The following GRIN2B variants were observed in gnomAD, a reference collection of about 807,000 sequenced individuals.
GRIN2B encodes glutamate ionotropic receptor NMDA type subunit 2B, also known as glutamate receptor ionotropic, NMDA 2B.
GRIN2B carries 5 observed loss-of-function variants against 114.5 expected under a neutral mutation model. The ratio of observed to expected loss-of-function variants is 0.04; its 90% CI spans 0.02 to 0.09. The LOEUF is 0.09. Ranked by LOEUF, GRIN2B falls within the 10% of genes least tolerant of loss-of-function variation. GRIN2B has a pLI of 1.00. For missense variants in GRIN2B, 1,108 were observed against 1,943.5 expected, an observed-to-expected ratio of 0.57 and a Z score of 8.08; for synonymous variants, 787 against 745.1, an observed-to-expected ratio of 1.06 and a Z score of -0.92.
At chr12:13,686,251 T>C (rs1160373604) in intron 4 of GRIN2B, among the ~76,000 whole-genome samples, 3 of 152,176 alleles carry the variant, frequency 2.0e-5, no homozygotes, top group African/African-American at 4.8e-5. Context: ...TCCAATATTC[T>C]AAAATGAGAT....
intron 4 of GRIN2B, among the ~76,000 whole-genome samples, chr12:13,741,111 A>T (rs1159325379): frequency 6.6e-6 from 1 of 151,972 alleles, no homozygotes; most frequent in Non-Finnish European, 1.5e-5. Context: ...GCTCACTGCA[A>T]CCTCCACCTC....
intron 2 of GRIN2B, among the ~76,000 whole-genome samples, chr12:13,868,156 C>T (rs957383168): frequency 6.6e-6 from 1 of 152,054 alleles, no homozygotes; most frequent in African/African-American, 2.4e-5. Flanking sequence ...AAGAAGGAGA[C>T]CTGTATTGAT....
intron 3 of GRIN2B, among the ~76,000 whole-genome samples, chr12:13,783,068 CTA>C (rs992444643): frequency 4.6e-5 from 7 of 152,162 alleles, no homozygotes; most frequent in Admixed American, 2.0e-4. Context: ...TATTAAAAAA[CTA>C]TAATTTATAC....
At chr12:13,906,362 C>A (rs1327770564) in intron 2 of GRIN2B, among the ~76,000 whole-genome samples, 1 of 152,218 alleles carries the variant, frequency 6.6e-6, no homozygotes, top group Non-Finnish European at 1.5e-5. Flanking sequence ...CACTAAAGGG[C>A]AATTCTTGTA....
chr12:13,800,755 A>G (rs563118762), intron 3 of GRIN2B, among the ~76,000 whole-genome samples: 1 of 152,302 alleles, frequency 6.6e-6, no homozygotes, highest in African/African-American at 2.4e-5. Flanking sequence ...CACATTTACT[A>G]TGAATGTACG....
At position 13,768,292 on chromosome 12, in the gene GRIN2B, C is replaced by A. The variant is rs146694802; in HGVS notation, c.412-14377G>T. 2.9e-3 allele frequency among the ~76,000 whole-genome samples: 447 copies of A among 152,334 alleles called. 5 individuals are homozygous for A. Among genetic ancestry groups the A allele is most frequent in the African/African-American group, 0.01 (424 of 41,578 alleles). On this transcript the variant is annotated intron_variant, in intron 3 of 13. Coordinates refer to ENST00000609686, the MANE Select transcript of GRIN2B (RefSeq NM_000834.5). The stretch of plus-strand genomic sequence containing the variant: ...CCATCTTGCAGCTGCCCAGTGCCTG[C>A]AGTCTGGGCCTGGCTAGAAAAATGA...
intron 3 of GRIN2B, among the ~76,000 whole-genome samples, chr12:13,852,801 C>T (rs1433677490): frequency 1.3e-5 from 2 of 151,844 alleles, no homozygotes; most frequent in Non-Finnish European, 2.9e-5. Context: ...ATGCTCCATC[C>T]ACGATACTAT....
chr12:13,787,305 G>C (rs1480989367), intron 3 of GRIN2B, among the ~76,000 whole-genome samples: 1 of 152,200 alleles, frequency 6.6e-6, no homozygotes, highest in Non-Finnish European at 1.5e-5. Flanking sequence ...ATCAGAAAAG[G>C]TGAAGATTCT....
intron 10 of GRIN2B, among the ~76,000 whole-genome samples, chr12:13,582,941 T>G (rs1432879673): frequency 6.6e-6 from 1 of 152,250 alleles, no homozygotes; most frequent in Non-Finnish European, 1.5e-5. Flanking sequence ...TACATAAGCC[T>G]TAATATTTCC....
intron 5 of GRIN2B, among the ~76,000 whole-genome samples, chr12:13,653,379 T>C (rs1949835739): frequency 6.6e-6 from 1 of 152,030 alleles, no homozygotes; most frequent in Non-Finnish European, 1.5e-5. Flanking sequence ...AGGAGAAATA[T>C]CAGGCTATGC....
intron 10 of GRIN2B, among the ~76,000 whole-genome samples, chr12:13,579,279 T>C (rs1391261432): frequency 1.3e-5 from 2 of 152,132 alleles, no homozygotes; most frequent in East Asian, 1.9e-4. Context: ...ACAAAGAAAG[T>C]TGAATTCTGT....
At chr12:13,657,625 G>A (rs770035054) in intron 5 of GRIN2B, among the ~76,000 whole-genome samples, 3 of 152,156 alleles carry the variant, frequency 2.0e-5, no homozygotes, top group African/African-American at 7.2e-5. Flanking sequence ...AATACAACAC[G>A]TTCAGACCAA....
At chr12:13,888,956 T>C (rs1388499087) in intron 2 of GRIN2B, among the ~76,000 whole-genome samples, 1 of 152,146 alleles carries the variant, frequency 6.6e-6, no homozygotes, top group African/African-American at 2.4e-5. Flanking sequence ...AGTTTATTTT[T>C]AAGAGTTTCT....
chr12:13,797,325 A>C (rs1267850418), intron 3 of GRIN2B, among the ~76,000 whole-genome samples: 8 of 152,268 alleles, frequency 5.3e-5, no homozygotes, highest in Middle Eastern at 3.4e-3. Context: ...CCACCCCCTA[A>C]TACATCATCA....
In GRIN2B at chr12:13,675,644, G is replaced by A. The variant is rs528973139; in HGVS notation, c.1125+101C>T. The stretch of plus-strand genomic sequence containing the variant: ...CAAGGTATTGATCCCTTGCTCCACA[G>A]GTCTAGGGACAAAAGCCAAAGGACT... On this transcript the variant is annotated intron_variant, in intron 5 of 13. Transcript: ENST00000609686. 3 of 783,460 alleles carry A rather than the reference G, an allele frequency of 3.8e-6. No homozygotes were observed. The East Asian group carries it at 7.4e-5, about 19-fold the overall frequency. The allele number at this position is 783,460 out of a possible 1,614,324, so 48.5% of individuals were successfully genotyped here. A position where few individuals can be genotyped will look rare whatever the true frequency, so the allele number is the denominator to read the frequency against.
chr12:13,563,943 G>C lies in GRIN2B; in HGVS notation c.3295C>G (p.Arg1099Gly). The change falls in exon 14 of 14, where the codon CGC becomes GGC. Residue 1099 changes from arginine (R) to glycine (G), a missense_variant. Physicochemically the swap from Arg to Gly is moderately radical, Grantham distance 125. Around this residue, in one of 19 missense-constraint regions of GRIN2B, gnomAD observed 18 missense variants for 23.6 expected, o/e 0.76. Coordinates refer to ENST00000609686, the MANE Select transcript of GRIN2B (RefSeq NM_000834.5). ...LKKRPASAKS[R>G]REFDEIELAY... is the part of the protein sequence containing the mutation. ...AGCTCGATCTCGTCAAACTCCCTGCGGGACTTGGCCGAGGCAGGCCGCTTC... is the reference window on the plus strand; with the variant it reads ...AGCTCGATCTCGTCAAACTCCCTGCCGGACTTGGCCGAGGCAGGCCGCTTC... The C allele has an allele frequency of 6.2e-7, 1 of 1,614,202 alleles. No individual in the cohort carries two copies. Among genetic ancestry groups the C allele is most frequent in the Non-Finnish European group, 8.5e-7 (1 of 1,180,044 alleles).
At chr12:13,627,120 C>T (rs1949576416) in intron 5 of GRIN2B, among the ~76,000 whole-genome samples, 1 of 152,018 alleles carries the variant, frequency 6.6e-6, no homozygotes, top group Non-Finnish European at 1.5e-5. Context: ...TATGGAGAAA[C>T]TGACCTATGG....
At chr12:13,961,612 T>A (rs1173936659) in intron 2 of GRIN2B, among the ~76,000 whole-genome samples, 6 of 152,216 alleles carry the variant, frequency 3.9e-5, no homozygotes, top group Admixed American at 3.9e-4. Flanking sequence ...TTTATTAAAA[T>A]TAGACTAAGT....
rs1555144006 is a variant in GRIN2B, at chr12:13,825,493, A to ATATATATATT, written c.411+40304_411+40305insAATATATATA. On this transcript the variant is annotated intron_variant, in intron 3 of 13. Transcript: ENST00000609686. ...ATATATATATAATAAATATATATATATTTTGTGTGTGTGTGTGTGTGTGTG... is the reference window on the plus strand; with the variant it reads ...ATATATATATAATAAATATATATATATATATATATTTTTTGTGTGTGTGTGTGTGTGTGTG... Among the ~76,000 whole-genome samples, 5 of 28,128 alleles carry ATATATATATT rather than the reference A, an allele frequency of 1.8e-4. No individual in the cohort carries two copies. The South Asian group carries it at 6.1e-3, about 34-fold the overall frequency. 18.5% of individuals were successfully genotyped at this position (28,128 alleles called of 152,430 possible).
Sources: gnomAD v4.1 joint callset for allele counts (sites outside exome capture counted in the v4.1 genomes callset) on GRCh38, gnomAD v4.1.1 for gene constraint, gnomAD v4.1.1 regional missense constraint, MANE v1.5 for transcripts, NCBI Gene and HGNC (gene_info 2026-07-23, HGNC 2026-07-21) for gene names.